The following NBPF10 variants were observed in gnomAD, a reference collection of about 807,000 sequenced individuals.
NBPF10 encodes NBPF family member NBPF10.
NBPF10 carries 63 observed loss-of-function variants against 77.9 expected under a neutral mutation model. The observed-to-expected ratio is 0.81, with a 90% CI of 0.66 to 1.00. The LOEUF (loss-of-function observed/expected upper bound fraction) is 1.00. Among genes scored for constraint, NBPF10 ranks in the 50% least tolerant of loss-of-function variants. The pLI is 0.00. For missense variants in NBPF10, 522 were observed against 679.8 expected (o/e 0.77, Z 2.58); for synonymous variants, 146 against 264.5 (o/e 0.55, Z 4.35).
At chr1:146,125,911 T>G (rs1462150187) in intron 14 of NBPF10, among the ~76,000 whole-genome samples, 1 of 151,124 alleles carries the variant, frequency 6.6e-6, no homozygotes, top group South Asian at 2.1e-4. Context: ...GAAATTAGAG[T>G]AAAGGATGAA....
chr1:146,137,641 A>T (rs1384068293), intron 6 of NBPF10, among the ~76,000 whole-genome samples: 3 of 131,792 alleles, frequency 2.3e-5, no homozygotes, highest in Non-Finnish European at 4.9e-5. Context: ...TGCCCGCCTC[A>T]GCCTCCCAAA....
intron 3 of NBPF10, among the ~76,000 whole-genome samples, chr1:146,140,776 G>A (rs7530677): frequency 0.018 from 2,163 of 120,820 alleles, 174 homozygotes; most frequent in African/African-American, 0.054. Context: ...GCCAAATACC[G>A]AAAAGACCTT....
At chr1:146,067,848 C>T (rs1424424613) in intron 88 of NBPF10, among the ~76,000 whole-genome samples, 155 bp downstream of exon 88, 1 of 151,804 alleles carries the variant, frequency 6.6e-6, no homozygotes, top group African/African-American at 2.4e-5. Flanking sequence ...AGGCTTCCAG[C>T]TGAGACTACA....
intron 1 of NBPF10, among the ~76,000 whole-genome samples, chr1:146,143,905 A>G (rs1660547897): frequency 6.6e-6 from 1 of 150,964 alleles, no homozygotes; most frequent in East Asian, 2.0e-4. Flanking sequence ...GCCCGCCACG[A>G]TGCCCATCTA....
intron 86 of NBPF10, 30 bp downstream of exon 86, chr1:146,069,513 T>A: frequency 1.2e-6 from 1 of 842,048 alleles, no homozygotes; most frequent in Admixed American, 2.1e-5. Context: ...ACTCAGTGGA[T>A]CCTTATCACC....
At chr1:146,080,972 T>C (rs879963403) in intron 71 of NBPF10, among the ~76,000 whole-genome samples, 195 bp from the exon 72 acceptor site, 249 of 19,394 alleles carry the variant, frequency 0.013, no homozygotes, top group Middle Eastern at 0.038. Flanking sequence ...GAAAGACAGA[T>C]AGACACACAC....
chr1:146,069,623 A>T (rs1553779416), exon 86 of NBPF10: 2 of 1,570,786 alleles, frequency 1.3e-6, no homozygotes, highest in Admixed American at 1.8e-5. Context: ...TGAGTCACAC[A>T]GTTCAAGACA....
chr1:146,126,192 G>T, intron 14 of NBPF10, 44 bp downstream of exon 14: 1 of 1,074,652 alleles, frequency 9.3e-7, no homozygotes, highest in Non-Finnish European at 1.4e-6. Flanking sequence ...ACCCTAACCA[G>T]AAGACTCAGT....
chr1:146,121,824 G>C (rs1658204866), intron 19 of NBPF10, among the ~76,000 whole-genome samples, 154 bp from the exon 20 acceptor site: 1 of 149,408 alleles, frequency 6.7e-6, no homozygotes, highest in Non-Finnish European at 1.5e-5. Flanking sequence ...TGTTGGGATA[G>C]AACAGGGCCA....
intron 86 of NBPF10, 97 bp downstream of exon 86, chr1:146,069,446 G>T: frequency 5.3e-6 from 3 of 565,934 alleles, no homozygotes; most frequent in South Asian, 1.6e-5. Flanking sequence ...CTGTGGCAAT[G>T]ACATCTCTCA....
At chr1:146,066,278 T>C (rs782276685) in exon 90 of NBPF10, 1 of 579,140 alleles carries the variant, frequency 1.7e-6, no homozygotes, top group Non-Finnish European at 3.0e-6. Context: ...CTATAGGTCC[T>C]GCCTGCAGGA....
chr1:146,066,866 T>C (rs1184731755), intron 89 of NBPF10, among the ~76,000 whole-genome samples: 1 of 150,764 alleles, frequency 6.6e-6, no homozygotes, highest in Non-Finnish European at 1.5e-5. Context: ...CTTAGTGCCC[T>C]CATGACACAC....
chr1:146,072,867 C>A lies in NBPF10; in HGVS notation c.10165G>T (p.Glu3389Ter). The A allele has an allele frequency of 3.5e-5, 5 of 144,066 alleles. 1 individual carries two copies. The highest frequency in any genetic ancestry group is 1.6e-4 in the South Asian group (5 of 30,442). The allele number at this position is 144,066 out of a possible 1,614,324, so 8.9% of individuals were successfully genotyped here. The change falls in exon 82 of 90, where the codon GAA becomes TAA. Residue 3389 changes from glutamate to a stop codon, truncating the protein, a stop_gained. Coordinates refer to ENST00000583866, the Ensembl canonical transcript of NBPF10. LOFTEE classifies it high-confidence loss of function. ...CTATCCAGTGAGTCCTGCAAGACTT[C>A]AGGCTCTTTCTCATCCAGCAGCTCC...
intron 71 of NBPF10, among the ~76,000 whole-genome samples, chr1:146,081,066 C>G (rs1179829814): frequency 1.9e-3 from 65 of 34,160 alleles, no homozygotes; most frequent in South Asian, 2.6e-3. Flanking sequence ...AGTGAATTGT[C>G]CAGGTGACAC....
At chr1:146,115,425 A>C in intron 27 of NBPF10, 23 bp from the exon 28 acceptor site, 1 of 44,154 alleles carries the variant, frequency 2.3e-5, no homozygotes. Flanking sequence ...GAAAAAGTAA[A>C]GAATAAGTCA....
intron 89 of NBPF10, 107 bp downstream of exon 89, chr1:146,067,073 A>C: frequency 1.7e-6 from 1 of 585,388 alleles, no homozygotes; most frequent in East Asian, 2.9e-5. Context: ...AGTAGGAGTA[A>C]TTCAGCCTTC....
intron 14 of NBPF10, 122 bp from the exon 15 acceptor site, chr1:146,125,638 G>C (rs1477020994): frequency 1.9e-6 from 1 of 524,080 alleles, no homozygotes; most frequent in African/African-American, 2.2e-5. Context: ...GACACTGTGA[G>C]AGATATTCTT....
chr1:146,126,208 C>A, intron 14 of NBPF10, 28 bp downstream of exon 14: 3 of 1,398,154 alleles, frequency 2.1e-6, no homozygotes, highest in South Asian at 2.3e-5. Context: ...TCAGTGGATC[C>A]TTATCACCTT....
chr1:146,125,788 C>G (rs1658531939), intron 14 of NBPF10, among the ~76,000 whole-genome samples: 1 of 146,176 alleles, frequency 6.8e-6, no homozygotes, highest in Admixed American at 6.8e-5. Context: ...CCATATTTTT[C>G]CAATCGATTT....
Sources: gnomAD v4.1 joint callset for allele counts (sites outside exome capture counted in the v4.1 genomes callset) on GRCh38, gnomAD v4.1.1 for gene constraint, MANE v1.5 for transcripts, NCBI Gene and HGNC (gene_info 2026-07-23, HGNC 2026-07-21) for gene names.